The following STK10 variants were observed in gnomAD, a reference collection of about 807,000 sequenced individuals.
STK10 encodes the protein serine/threonine-protein kinase 10.
In STK10, 78 loss-of-function variants were observed where a neutral mutation model predicts 113.8. The ratio of observed to expected loss-of-function variants is 0.69; its 90% CI spans 0.57 to 0.83. The LOEUF (loss-of-function observed/expected upper bound fraction) is 0.83, where lower values mean the gene tolerates loss of function less well. Ranked by LOEUF, STK10 falls within the 40% of genes least tolerant of loss-of-function variation. The pLI is 0.00. For synonymous variants in STK10, 465 were observed against 494.7 expected (o/e 0.94, Z 0.80); for missense variants, 1,109 against 1,280.1 (o/e 0.87, Z 2.04).
intron 1 of STK10, among the ~76,000 whole-genome samples, chr5:172,157,766 T>C (rs1171715263): frequency 4.0e-4 from 61 of 151,886 alleles, no homozygotes; most frequent in Admixed American, 4.0e-3. Flanking sequence ...AAATTTTGTG[T>C]TTTTAGTAGA....
chr5:172,180,943 T>C (rs574873318), intron 1 of STK10, among the ~76,000 whole-genome samples: 23 of 152,368 alleles, frequency 1.5e-4, no homozygotes, highest in African/African-American at 4.8e-4. Context: ...GTGATTCTGC[T>C]ATAATGCTAA....
intron 1 of STK10, among the ~76,000 whole-genome samples, chr5:172,185,579 A>G (rs1023769986): frequency 3.3e-5 from 5 of 152,264 alleles, no homozygotes; most frequent in South Asian, 2.1e-4. Flanking sequence ...AAAAACCCAT[A>G]TGTTTAGCAT....
At chr5:172,121,089 T>C (rs1197443467) in intron 3 of STK10, among the ~76,000 whole-genome samples, 1 of 150,390 alleles carries the variant, frequency 6.6e-6, no homozygotes, top group Non-Finnish European at 1.5e-5. Context: ...AGTGCAATGG[T>C]GTGGTCTCGG....
At chr5:172,099,279 A>G (rs1435714276) in intron 7 of STK10, among the ~76,000 whole-genome samples, 1 of 152,154 alleles carries the variant, frequency 6.6e-6, no homozygotes, top group African/African-American at 2.4e-5. Context: ...AGTGGCTCAC[A>G]TCTGTAATCC....
chr5:172,169,242 CAG>C (rs2113831358), intron 1 of STK10, among the ~76,000 whole-genome samples: 1 of 152,316 alleles, frequency 6.6e-6, no homozygotes, highest in South Asian at 2.1e-4. Flanking sequence ...ATCTGCATCA[CAG>C]ATTCTCTGAC....
intron 7 of STK10, among the ~76,000 whole-genome samples, chr5:172,100,249 G>A (rs753483951): frequency 3.9e-5 from 6 of 152,144 alleles, no homozygotes; most frequent in Non-Finnish European, 5.9e-5. Flanking sequence ...CTGGGCACAC[G>A]TGTCCCCAGT....
intron 1 of STK10, among the ~76,000 whole-genome samples, chr5:172,184,453 G>C (rs1473873995): frequency 6.6e-6 from 1 of 152,018 alleles, no homozygotes; most frequent in Non-Finnish European, 1.5e-5. Flanking sequence ...TGGGCACCGG[G>C]ACATATGGGG....
At chr5:172,101,438 T>G (rs577021531) in intron 7 of STK10, among the ~76,000 whole-genome samples, 1 of 150,964 alleles carries the variant, frequency 6.6e-6, no homozygotes, top group Non-Finnish European at 1.5e-5. Context: ...TCCACTGCAC[T>G]TCAGCCTGGC....
At chr5:172,083,899 A>C (rs1453903476) in intron 10 of STK10, among the ~76,000 whole-genome samples, 2 of 148,258 alleles carry the variant, frequency 1.3e-5, no homozygotes, top group Non-Finnish European at 3.0e-5. Flanking sequence ...CAAGAGCGAA[A>C]CTCCGTCTCA....
chr5:172,055,508 T>C (rs1007596569), intron 16 of STK10, 80 bp downstream of exon 16: 5 of 1,269,240 alleles, frequency 3.9e-6, no homozygotes, highest in Non-Finnish European at 5.1e-6. Context: ...TCTCCAAAAC[T>C]GTATAAGGCC....
At chr5:172,079,702 G>A (rs1344756090) in intron 12 of STK10, among the ~76,000 whole-genome samples, 2 of 151,942 alleles carry the variant, frequency 1.3e-5, no homozygotes, top group Non-Finnish European at 1.5e-5. Context: ...CTGGGATTAA[G>A]GCACCTGTGA....
chr5:172,109,689 C>T (rs1769194455), intron 4 of STK10, among the ~76,000 whole-genome samples: 1 of 152,168 alleles, frequency 6.6e-6, no homozygotes, highest in Non-Finnish European at 1.5e-5. Context: ...TCAGCGCTAC[C>T]AAGAGAAATT....
At chr5:172,134,420 T>A (rs895028320) in intron 2 of STK10, among the ~76,000 whole-genome samples, 3 of 152,042 alleles carry the variant, frequency 2.0e-5, no homozygotes, top group Non-Finnish European at 4.4e-5. Context: ...ATGAGTTTTT[T>A]AAAAAAATAT....
In STK10 at chr5:172,120,836, G is replaced by A. The variant is rs1297846318; in HGVS notation, c.371-3206C>T. Among the ~76,000 whole-genome samples, 1 of 152,044 alleles carries A rather than the reference G, an allele frequency of 6.6e-6. No individual in the cohort carries two copies. Among genetic ancestry groups the A allele is most frequent in the East Asian group, 1.9e-4 (1 of 5,196 alleles). On this transcript the variant is annotated intron_variant, in intron 3 of 18. Coordinates refer to ENST00000176763, the MANE Select transcript of STK10 (RefSeq NM_005990.4). This position sits in a 1 kb window ranked among gnomAD's most constrained non-coding sequence, Gnocchi z 4.0. The stretch of plus-strand genomic sequence containing the variant: ...TAATTTACTGATATAAATGAAATAG[G>A]AATGACAAAAATACTAATGATGATG...
chr5:172,176,574 T>G (rs2113838788), intron 1 of STK10, among the ~76,000 whole-genome samples: 1 of 152,330 alleles, frequency 6.6e-6, no homozygotes, highest in Non-Finnish European at 1.5e-5. Context: ...CCTGCAATTG[T>G]GTCGCCTCTC....
intron 5 of STK10, 118 bp downstream of exon 5, chr5:172,107,662 C>G (rs1769145822): frequency 2.1e-6 from 2 of 967,276 alleles, no homozygotes. Context: ...GCTAGTAAGC[C>G]ACGAGGCAGG....
chr5:172,062,263 A>G (rs1340287006), intron 13 of STK10, among the ~76,000 whole-genome samples: 1 of 152,052 alleles, frequency 6.6e-6, no homozygotes, highest in East Asian at 1.9e-4. Flanking sequence ...AATTTTCCAT[A>G]ATAAAGGGTA....
chr5:172,187,204 T>G lies in STK10; in HGVS notation c.156+683A>C, dbSNP rs1230464937. On this transcript the variant is annotated intron_variant, in intron 1 of 18. Transcript: ENST00000176763. This position sits in a 1 kb window ranked among gnomAD's most constrained non-coding sequence, Gnocchi z 4.6. ...AAAAGCTCTCTGCCGCGTCTTCCTC[T>G]AGGGGAGAGGTGACTGCAGGCTGGG... is the stretch of plus-strand genomic sequence containing the variant. 6.6e-6 allele frequency among the ~76,000 whole-genome samples: 1 copy of G among 152,088 alleles called. No individual in the cohort carries two copies. The highest frequency in any genetic ancestry group is 1.5e-5 in the Non-Finnish European group (1 of 68,012).
intron 12 of STK10, among the ~76,000 whole-genome samples, chr5:172,065,421 C>T (rs1768047817): frequency 6.6e-6 from 1 of 150,866 alleles, no homozygotes; most frequent in South Asian, 2.1e-4. Flanking sequence ...GATGGGGTTT[C>T]ACCATGTTGG....
Sources: gnomAD v4.1 joint callset for allele counts (sites outside exome capture counted in the v4.1 genomes callset) on GRCh38, gnomAD v4.1.1 for gene constraint, Gnocchi (gnomAD v3.1) non-coding constraint, MANE v1.5 for transcripts, NCBI Gene and HGNC (gene_info 2026-07-23, HGNC 2026-07-21) for gene names.